Variants in EEF1E1 observed in about 807,000 individuals in gnomAD.
EEF1E1 encodes eukaryotic translation elongation factor 1 epsilon 1, also known as eukaryotic translation elongation factor 1 epsilon-1.
Under a neutral mutation model 19.9 loss-of-function variants are expected in EEF1E1, and 19 were observed. The observed-to-expected ratio is 0.95, with a 90% CI of 0.66 to 1.40. EEF1E1 has a LOEUF of 1.40. EEF1E1 is among the 40% of genes most tolerant of loss of function. The probability of loss-of-function intolerance (pLI) is 0.00; values close to 1 mark genes in which losing one functional copy is unlikely to be tolerated. For synonymous variants in EEF1E1, 81 were observed against 80.0 expected, an observed-to-expected ratio of 1.01 and a Z score of -0.07; for missense variants, 198 against 202.2, an observed-to-expected ratio of 0.98 and a Z score of 0.13.
At chr6:8,095,225 G>A (rs952921857) in intron 2 of EEF1E1, among the ~76,000 whole-genome samples, 2 of 152,162 alleles carry the variant, frequency 1.3e-5, no homozygotes, top group Admixed American at 6.5e-5. Flanking sequence ...TACTGGCCAG[G>A]CGAGGTGACT....
At chr6:8,099,333 T>C (rs979713813) in intron 1 of EEF1E1, among the ~76,000 whole-genome samples, 1 of 152,250 alleles carries the variant, frequency 6.6e-6, no homozygotes, top group Non-Finnish European at 1.5e-5. Context: ...CTTACCATTG[T>C]GTTACAACTG....
chr6:8,095,480 G>A, intron 2 of EEF1E1: 1 of 251,724 alleles, frequency 4.0e-6, no homozygotes, highest in Non-Finnish European at 8.4e-6. Flanking sequence ...TCCAGCCTGG[G>A]TGACAGAGTG....
downstream of EEF1E1, among the ~76,000 whole-genome samples, chr6:8,075,146 T>C (rs1757561739): frequency 6.6e-6 from 1 of 152,216 alleles, no homozygotes; most frequent in African/African-American, 2.4e-5. Context: ...TGATGTGGCA[T>C]GCTTATAGCA....
rs1323639381 is a variant in EEF1E1, at chr6:8,086,753, G to A, written c.384+3433C>T. Among the ~76,000 whole-genome samples, 5 of 152,166 alleles carry A rather than the reference G, an allele frequency of 3.3e-5. No homozygotes were observed. In the East Asian group the frequency reaches 7.7e-4, roughly 23 times the overall value. ...TGAGGTACAGTGAGAAAGTATAGAGGAAACTCCTTGAAAAGCATAGAGAAA... is the reference window on the plus strand; with the variant it reads ...TGAGGTACAGTGAGAAAGTATAGAGAAAACTCCTTGAAAAGCATAGAGAAA... On this transcript the variant is annotated intron_variant, in intron 3 of 3. Transcript: ENST00000379715.
chr6:8,093,020 A>G (rs547745342), intron 2 of EEF1E1, among the ~76,000 whole-genome samples: 6 of 151,710 alleles, frequency 4.0e-5, no homozygotes, highest in South Asian at 4.2e-4. Flanking sequence ...GACTACAGGC[A>G]CACAACATGA....
At position 8,097,890 on chromosome 6, in the gene EEF1E1, T is replaced by A. The variant is rs551555463; in HGVS notation, c.88-423A>T. ...CCTATTACGACAGCAATATAAAGGA[T>A]CAGGTTTGCTTGCTTATAAGAAATT... On this transcript the variant is annotated intron_variant, in intron 1 of 3. Transcript: ENST00000379715. Among the ~76,000 whole-genome samples, 5 of 152,256 alleles carry A rather than the reference T, an allele frequency of 3.3e-5. No homozygotes were observed. The East Asian group carries it at 9.7e-4, about 29-fold the overall frequency.
At chr6:8,084,372 T>A (rs1442605759) in intron 3 of EEF1E1, among the ~76,000 whole-genome samples, 1 of 152,270 alleles carries the variant, frequency 6.6e-6, no homozygotes, top group Non-Finnish European at 1.5e-5. Flanking sequence ...TATAGGATTA[T>A]GACCTTATTC....
Position 8,079,831 on chromosome 6 carries a change from A to G in EEF1E1, c.*59T>C. 2 of 1,570,396 alleles carry G rather than the reference A, an allele frequency of 1.3e-6. No homozygotes were observed. The highest frequency in any genetic ancestry group is 4.5e-5 in the East Asian group (2 of 44,412). ...TTAATTTACATTAGTCCTGTGGTCT[A>G]GAGTACATTTTCCATTTAAAACATT... On this transcript the variant is annotated 3_prime_UTR_variant, in exon 4 of 4. Transcript: ENST00000379715.
chr6:8,101,779 C>A, intron 1 of EEF1E1: 1 of 1,289,348 alleles, frequency 7.8e-7, no homozygotes, highest in South Asian at 1.2e-5. Context: ...TGATGTTTCC[C>A]GCATTCACTG....
chr6:8,099,914 T>C (rs1381632082), intron 1 of EEF1E1, among the ~76,000 whole-genome samples: 1 of 152,150 alleles, frequency 6.6e-6, no homozygotes, highest in African/African-American at 2.4e-5. Context: ...TGATGTACCA[T>C]AATTTAAAGA....
intron 1 of EEF1E1, among the ~76,000 whole-genome samples, chr6:8,101,311 A>G (rs1456622907): frequency 7.4e-6 from 1 of 134,248 alleles, no homozygotes; most frequent in African/African-American, 2.8e-5. Flanking sequence ...AACGGTTGCA[A>G]TGTTTGTCCA....
At chr6:8,083,592 C>T (rs1757773713) in intron 3 of EEF1E1, among the ~76,000 whole-genome samples, 3 of 152,270 alleles carry the variant, frequency 2.0e-5, no homozygotes, top group South Asian at 2.1e-4. Context: ...ATTCCTCAAA[C>T]GGAGTTAAGA....
chr6:8,087,660 T>C (rs796878060), intron 3 of EEF1E1, among the ~76,000 whole-genome samples: 7 of 152,304 alleles, frequency 4.6e-5, no homozygotes, highest in African/African-American at 1.7e-4. Context: ...TCTGAGTTGA[T>C]TATTTTGAGA....
At chr6:8,078,551 G>T (rs1561880200), downstream of EEF1E1, 3 of 762,574 alleles carry the variant, frequency 3.9e-6, no homozygotes, top group Non-Finnish European at 5.0e-6. Flanking sequence ...GAAAAATGGT[G>T]CCAATAGTCT....
chr6:8,086,273 G>A (rs1269921055), intron 3 of EEF1E1, among the ~76,000 whole-genome samples: 3 of 152,128 alleles, frequency 2.0e-5, no homozygotes, highest in Non-Finnish European at 4.4e-5. Context: ...AAGCCCAGGA[G>A]TTCTGGAGGG....
intron 2 of EEF1E1, among the ~76,000 whole-genome samples, chr6:8,095,022 T>TG (rs1758126917): frequency 6.6e-6 from 1 of 152,214 alleles, no homozygotes; most frequent in African/African-American, 2.4e-5. Context: ...AGTAGGCTAT[T>TG]AGCAATTGAG....
intron 3 of EEF1E1, among the ~76,000 whole-genome samples, chr6:8,084,343 T>C (rs532971045): frequency 6.6e-6 from 1 of 152,250 alleles, no homozygotes; most frequent in Non-Finnish European, 1.5e-5. Flanking sequence ...TTGCAGCTAG[T>C]GCTATGAATA....
At chr6:8,094,998 G>A (rs1314339877) in intron 2 of EEF1E1, among the ~76,000 whole-genome samples, 2 of 152,146 alleles carry the variant, frequency 1.3e-5, no homozygotes, top group African/African-American at 4.8e-5. Context: ...TTACAGGTAA[G>A]GCTTGCAGTT....
chr6:8,101,211 G>C (rs1758340926), intron 1 of EEF1E1, among the ~76,000 whole-genome samples: 1 of 95,212 alleles, frequency 1.1e-5, no homozygotes, highest in African/African-American at 4.9e-5. Flanking sequence ...GGGCGACACA[G>C]TGAGACTTTG....
Sources: allele counts gnomAD v4.1 joint callset (sites outside exome capture counted in the v4.1 genomes callset), GRCh38; gene constraint gnomAD v4.1.1; transcripts MANE v1.5; gene names NCBI Gene and HGNC (gene_info 2026-07-23, HGNC 2026-07-21).